TMTC4: variants seen among roughly 807,000 people sequenced by gnomAD.
TMTC4 encodes transmembrane O-mannosyltransferase targeting cadherins 4.
Under a neutral mutation model 86.0 loss-of-function variants are expected in TMTC4, and 65 were observed. The ratio of observed to expected loss-of-function variants is 0.76; its 90% CI spans 0.62 to 0.93. The LOEUF is 0.93. TMTC4 is among the 40% of genes least tolerant of loss of function. The pLI, the probability that TMTC4 is intolerant of heterozygous loss-of-function variation, is 0.00. For synonymous variants in TMTC4, 379 were observed against 382.5 expected, an observed-to-expected ratio of 0.99 and a Z score of 0.11; for missense variants, 866 against 948.1, an observed-to-expected ratio of 0.91 and a Z score of 1.14.
At chr13:100,662,481 C>T (rs955102678) in intron 5 of TMTC4, among the ~76,000 whole-genome samples, 6 of 151,980 alleles carry the variant, frequency 3.9e-5, no homozygotes, top group African/African-American at 7.2e-5. Flanking sequence ...GATGTCACAG[C>T]GTTTTCATAA....
chr13:100,664,456 G>A lies in TMTC4; in HGVS notation c.220-120C>T. ...CTAGCGGGGATGCTGTGCCCAACAT[G>A]TTCTCTATGTTGATATCTCGAAATA... On this transcript the variant is annotated intron_variant, in intron 3 of 18. Coordinates refer to ENST00000342624, the MANE Select transcript of TMTC4 (RefSeq NM_032813.5). The A allele has an allele frequency of 3.2e-6, 2 of 624,466 alleles. 1 individual carries two copies. The highest frequency in any genetic ancestry group is 4.3e-5 in the South Asian group (2 of 46,066). 38.7% of individuals were successfully genotyped at this position (624,466 alleles called of 1,614,324 possible). A position where few individuals can be genotyped will look rare whatever the true frequency, so the allele number is the denominator to read the frequency against.
At chr13:100,660,566 C>A (rs74115017) in intron 5 of TMTC4, among the ~76,000 whole-genome samples, 1,561 of 152,152 alleles carry the variant, frequency 0.01, 27 homozygotes, top group African/African-American at 0.036. Flanking sequence ...GAAAGTGGGG[C>A]TGGCTCCTCG....
chr13:100,632,053 A>ACACACACACCCTCTCT (rs1296569630), intron 12 of TMTC4, among the ~76,000 whole-genome samples: 1 of 43,110 alleles, frequency 2.3e-5, no homozygotes, highest in Non-Finnish European at 4.7e-5. Context: ...ACACACACAC[A>ACACACACACCCTCTCT]CTCTCTCTCT....
chr13:100,660,827 T>C (rs1885689450), intron 5 of TMTC4, among the ~76,000 whole-genome samples: 1 of 152,122 alleles, frequency 6.6e-6, no homozygotes. Flanking sequence ...CTCATTTTTG[T>C]ATTTTTAGTA....
intron 16 of TMTC4, 68 bp downstream of exon 16, chr13:100,614,248 C>G: frequency 8.6e-7 from 1 of 1,167,978 alleles, no homozygotes; most frequent in South Asian, 1.5e-5. Flanking sequence ...ATCTCTATTT[C>G]CTAAGTCTTC....
chr13:100,666,178 CT>C (rs1253271326), intron 3 of TMTC4: 1 of 393,900 alleles, frequency 2.5e-6, no homozygotes, highest in African/African-American at 2.1e-5. Context: ...AAAATTCCCC[CT>C]AACTCCACTG....
At chr13:100,653,075 G>A (rs1007596332) in intron 6 of TMTC4, among the ~76,000 whole-genome samples, 1 of 152,114 alleles carries the variant, frequency 6.6e-6, no homozygotes, top group African/African-American at 2.4e-5. Flanking sequence ...CTTCTTCTCT[G>A]TAAAGGTATT....
chr13:100,614,280 C>G (rs751302657), intron 16 of TMTC4, 36 bp downstream of exon 16: 1 of 1,499,194 alleles, frequency 6.7e-7, no homozygotes, highest in Non-Finnish European at 9.2e-7. Context: ...ACTGTGGAGC[C>G]ATTTCCTGTG....
At chr13:100,619,965 A>C (rs1363091097) in intron 15 of TMTC4, among the ~76,000 whole-genome samples, 1 of 152,190 alleles carries the variant, frequency 6.6e-6, no homozygotes, top group Non-Finnish European at 1.5e-5. Context: ...TACTACAATT[A>C]TTATTACTAT....
At chr13:100,621,725 A>C (rs1879515832) in intron 15 of TMTC4, among the ~76,000 whole-genome samples, 1 of 152,166 alleles carries the variant, frequency 6.6e-6, no homozygotes, top group African/African-American at 2.4e-5. Flanking sequence ...GCGCCCAACC[A>C]AAAGAAGAAT....
chr13:100,629,182 A>G (rs910851424), intron 12 of TMTC4, among the ~76,000 whole-genome samples: 1 of 152,160 alleles, frequency 6.6e-6, no homozygotes, highest in Admixed American at 6.5e-5. Flanking sequence ...AAGAAAAAGA[A>G]AAGTATTTGT....
At chr13:100,640,963 C>T (rs1356560817) in intron 7 of TMTC4, among the ~76,000 whole-genome samples, 1 of 152,034 alleles carries the variant, frequency 6.6e-6, no homozygotes, top group African/African-American at 2.4e-5. Flanking sequence ...ATTTCAACAC[C>T]TCTCCTTTCC....
chr13:100,670,586 G>T lies in TMTC4; in HGVS notation c.-207-17C>A. 2.0e-6 allele frequency: 1 copy of T among 504,644 alleles called. No homozygotes were observed. The allele number at this position is 504,644 out of a possible 1,614,324, so 31.3% of individuals were successfully genotyped here. On this transcript the variant is annotated splice_polypyrimidine_tract_variant and intron_variant, in intron 1 of 18. Transcript: ENST00000342624. ...AAATTACAACTGCAAACACAACACA[G>T]GTTAGCACACAGACCCCAACCTCTA...
intron 6 of TMTC4, among the ~76,000 whole-genome samples, chr13:100,654,383 T>TA (rs1242853075): frequency 1.3e-5 from 2 of 152,218 alleles, no homozygotes; most frequent in Non-Finnish European, 2.9e-5. Context: ...TGTTGGTACT[T>TA]ACAGTTAATA....
rs1259930164 is a variant in TMTC4, at chr13:100,641,335, C to A, written c.741+876G>T. Among the ~76,000 whole-genome samples the A allele has an allele frequency of 2.0e-5, 3 of 152,278 alleles. 1 individual carries two copies. Among genetic ancestry groups the A allele is most frequent in the Admixed American group, 2.0e-4 (3 of 15,294 alleles). ...TGACCATGGAACACTTTGGTTCCAG[C>A]GTTGCTTGAAGTTGCACTTGGGTGG... On this transcript the variant is annotated intron_variant, in intron 7 of 18. Coordinates refer to ENST00000342624, the MANE Select transcript of TMTC4 (RefSeq NM_032813.5).
At chr13:100,673,082 G>A (rs890062638) in intron 1 of TMTC4, among the ~76,000 whole-genome samples, 2 of 152,124 alleles carry the variant, frequency 1.3e-5, no homozygotes, top group Non-Finnish European at 2.9e-5. Context: ...CCTCAACAGG[G>A]GCTGAATCTG....
intron 7 of TMTC4, among the ~76,000 whole-genome samples, chr13:100,640,433 T>C (rs1882864686): frequency 6.6e-6 from 1 of 152,216 alleles, no homozygotes; most frequent in Non-Finnish European, 1.5e-5. Flanking sequence ...CTATACCATC[T>C]CTTTGCTAGC....
At chr13:100,663,394 G>A (rs571251026) in intron 4 of TMTC4, among the ~76,000 whole-genome samples, 44 of 152,284 alleles carry the variant, frequency 2.9e-4, no homozygotes, top group Non-Finnish European at 4.6e-4. Context: ...AGGGAAAAAC[G>A]GATGAAACAT....
At chr13:100,669,666 T>G (rs1886833528) in intron 2 of TMTC4, among the ~76,000 whole-genome samples, 1 of 152,174 alleles carries the variant, frequency 6.6e-6, no homozygotes, top group Non-Finnish European at 1.5e-5. Flanking sequence ...GCCCACCCCC[T>G]GCGGCCCTCT....
Sources: allele counts gnomAD v4.1 joint callset (sites outside exome capture counted in the v4.1 genomes callset), GRCh38; gene constraint gnomAD v4.1.1; transcripts MANE v1.5; gene names NCBI Gene and HGNC (gene_info 2026-07-23, HGNC 2026-07-21).